Variants in SLC25A37 observed in about 807,000 individuals in gnomAD.
SLC25A37 encodes solute carrier family 25 member 37.
In SLC25A37, 17 loss-of-function variants were observed where a neutral mutation model predicts 31.0. The ratio of observed to expected loss-of-function variants is 0.55; its 90% CI spans 0.38 to 0.82. The LOEUF is 0.82. Ranked by LOEUF, SLC25A37 falls within the 40% of genes least tolerant of loss-of-function variation. The pLI, the probability that SLC25A37 is intolerant of heterozygous loss-of-function variation, is 0.00. For missense variants in SLC25A37, 404 were observed against 465.8 expected, an observed-to-expected ratio of 0.87 and a Z score of 1.22; for synonymous variants, 222 against 193.0, an observed-to-expected ratio of 1.15 and a Z score of -1.24.
rs527567850 is a variant in SLC25A37, at chr8:23,572,300, T to C, written c.*445T>C. Reference sequence around the variant, plus strand: ...CAGTACAAAATAGATGGATAATGTTTATCCTTTATTTTTCTATGTAGAAGT... The same window carrying C: ...CAGTACAAAATAGATGGATAATGTTCATCCTTTATTTTTCTATGTAGAAGT... On this transcript the variant is annotated 3_prime_UTR_variant, in exon 4 of 4. Transcript: ENST00000519973. 1 of 153,116 alleles carries C rather than the reference T, an allele frequency of 6.5e-6. No individual in the cohort carries two copies. Among genetic ancestry groups the C allele is most frequent in the South Asian group, 1.9e-4 (1 of 5,134 alleles). The allele number at this position is 153,116 out of a possible 1,614,324, so 9.5% of individuals were successfully genotyped here. A position where few individuals can be genotyped will look rare whatever the true frequency, so the allele number is the denominator to read the frequency against.
At position 23,574,081 on chromosome 8, in the gene SLC25A37, G is replaced by A. The variant is rs189711064; in HGVS notation, c.*2226G>A. 3.0e-6 allele frequency: 1 copy of A among 336,624 alleles called. No homozygotes were observed. Among genetic ancestry groups the A allele is most frequent in the Non-Finnish European group, 6.0e-6 (1 of 167,306 alleles). 20.9% of individuals were successfully genotyped at this position (336,624 alleles called of 1,614,324 possible). A position where few individuals can be genotyped will look rare whatever the true frequency, so the allele number is the denominator to read the frequency against. ...TTAAGATATGCCACGCTGAAGCAAGGTATTTCCTACTGGATTTTGCTTTCA... is the reference window on the plus strand; with the variant it reads ...TTAAGATATGCCACGCTGAAGCAAGATATTTCCTACTGGATTTTGCTTTCA... On this transcript the variant is annotated 3_prime_UTR_variant, in exon 4 of 4. Coordinates refer to ENST00000519973, the MANE Select transcript of SLC25A37 (RefSeq NM_016612.4).
chr8:23,530,183 T>C (rs1801636048), intron 1 of SLC25A37, among the ~76,000 whole-genome samples: 1 of 152,150 alleles, frequency 6.6e-6, no homozygotes, highest in Admixed American at 6.5e-5. Flanking sequence ...GCAACAGCCC[T>C]GGGGGTTAAC....
chr8:23,566,786 A>ACG (rs1299655125), intron 2 of SLC25A37: 27 of 988,642 alleles, frequency 2.7e-5, no homozygotes, highest in Non-Finnish European at 3.1e-5. Flanking sequence ...GGTCTCTACA[A>ACG]CGCCAAGATC....
In SLC25A37 at chr8:23,572,203, T is replaced by TGAAAAAA. The variant is rs1802873388; in HGVS notation, c.*348_*349insGAAAAAA. On this transcript the variant is annotated 3_prime_UTR_variant, in exon 4 of 4. Transcript: ENST00000519973. ...GAAAATTTGCAGTGACTGAAAACAG[T>TGAAAAAA]AAAAAAAAAAAAAAAAAAAAAAAAA... 1 of 85,756 alleles carries TGAAAAAA rather than the reference T, an allele frequency of 1.2e-5. No homozygotes were observed. Among genetic ancestry groups the TGAAAAAA allele is most frequent in the African/African-American group, 6.5e-5 (1 of 15,276 alleles). 5.3% of individuals were successfully genotyped at this position (85,756 alleles called of 1,614,324 possible).
intron 1 of SLC25A37, among the ~76,000 whole-genome samples, chr8:23,545,855 G>A (rs1364910742): frequency 1.3e-5 from 2 of 152,092 alleles, no homozygotes; most frequent in Non-Finnish European, 2.9e-5. Flanking sequence ...TAAAAAAATA[G>A]GCCGGGCGCG....
intron 1 of SLC25A37, among the ~76,000 whole-genome samples, chr8:23,544,123 G>A (rs1801973709): frequency 6.6e-6 from 1 of 152,164 alleles, no homozygotes; most frequent in Admixed American, 6.5e-5. Flanking sequence ...GCCTCCCAAA[G>A]TGCTGGGATT....
intron 1 of SLC25A37, among the ~76,000 whole-genome samples, chr8:23,554,088 G>A (rs1040904287): frequency 2.6e-5 from 4 of 152,148 alleles, no homozygotes; most frequent in African/African-American, 7.2e-5. Flanking sequence ...CATGACTCTG[G>A]CCGACCGCCT....
chr8:23,539,231 G>T (rs962198567), intron 1 of SLC25A37, among the ~76,000 whole-genome samples: 1 of 152,180 alleles, frequency 6.6e-6, no homozygotes, highest in South Asian at 2.1e-4. Context: ...TCTAGGAAAC[G>T]TCTGGCCGTG....
At chr8:23,544,762 A>T (rs7829094) in intron 1 of SLC25A37, among the ~76,000 whole-genome samples, 1 of 151,944 alleles carries the variant, frequency 6.6e-6, no homozygotes, top group South Asian at 2.1e-4. Flanking sequence ...CCTGCATGCC[A>T]CTGACACTCT....
In SLC25A37 at chr8:23,574,044, CT is replaced by C. The variant is rs149075218; in HGVS notation, c.*2193del. 2,505 of 355,786 alleles carry C rather than the reference CT, an allele frequency of 7.0e-3. 49 individuals are homozygous for C. The highest frequency in any genetic ancestry group is 0.05 in the African/African-American group (2,329 of 46,962). The allele number at this position is 355,786 out of a possible 1,614,324, so 22.0% of individuals were successfully genotyped here. A position where few individuals can be genotyped will look rare whatever the true frequency, so the allele number is the denominator to read the frequency against. Reference sequence around the variant, plus strand: ...TTGTAAAAAAATTATCCTACCACCCCTTTTGGTCCACTTAAGATATGCCACG... The same window carrying C: ...TTGTAAAAAAATTATCCTACCACCCCTTTGGTCCACTTAAGATATGCCACG... On this transcript the variant is annotated 3_prime_UTR_variant, in exon 4 of 4. Transcript: ENST00000519973.
In SLC25A37 at chr8:23,572,599, T is replaced by C. The variant is rs1802893374; in HGVS notation, c.*744T>C. On this transcript the variant is annotated 3_prime_UTR_variant, in exon 4 of 4. Coordinates refer to ENST00000519973, the MANE Select transcript of SLC25A37 (RefSeq NM_016612.4). ...AGGTACGTTAAAAAAATCAAAATAA[T>C]GATATGTCACTTGCAGCTACCTTTT... The C allele has an allele frequency of 6.7e-6, 1 of 150,130 alleles. No homozygotes were observed. The highest frequency in any genetic ancestry group is 1.5e-5 in the Non-Finnish European group (1 of 67,730). 9.3% of individuals were successfully genotyped at this position (150,130 alleles called of 1,614,324 possible).
At chr8:23,536,965 G>A (rs534622611) in intron 1 of SLC25A37, among the ~76,000 whole-genome samples, 1 of 152,328 alleles carries the variant, frequency 6.6e-6, no homozygotes, top group South Asian at 2.1e-4. Flanking sequence ...AGAGGCCGAG[G>A]TGGGAGGATC....
intron 1 of SLC25A37, among the ~76,000 whole-genome samples, chr8:23,532,229 A>G (rs915494757): frequency 2.6e-5 from 4 of 152,154 alleles, no homozygotes; most frequent in African/African-American, 9.7e-5. Flanking sequence ...GTGAGCACTC[A>G]TTCATCCATA....
At chr8:23,546,932 C>T (rs946060326) in intron 1 of SLC25A37, among the ~76,000 whole-genome samples, 16 of 151,860 alleles carry the variant, frequency 1.1e-4, no homozygotes, top group African/African-American at 3.9e-4. Context: ...TGGCAGGTTC[C>T]GTTTATCCTT....
intron 1 of SLC25A37, among the ~76,000 whole-genome samples, chr8:23,532,624 T>C (rs900523705): frequency 6.6e-6 from 1 of 152,190 alleles, no homozygotes; most frequent in Non-Finnish European, 1.5e-5. Flanking sequence ...CGCTGACCCT[T>C]TCACAACCCT....
chr8:23,571,650 C>T lies in SLC25A37; in HGVS notation c.812C>T (p.Ser271Leu), dbSNP rs890831231. The T allele has an allele frequency of 2.5e-6, 4 of 1,613,946 alleles. No homozygotes were observed. Among genetic ancestry groups the T allele is most frequent in the Non-Finnish European group, 3.4e-6 (4 of 1,179,886 alleles). The change falls in exon 4 of 4, where the codon TCG becomes TTG. Residue 271 changes from serine (S) to leucine (L), a missense_variant. Transcript: ENST00000519973. ...AACACTCAGGAGAACGTGGCCCTCT[C>T]GCTGGCCAACATCAGCGGCCGGCTG... ...LLNTQENVAL[S>L]LANISGRLSG...
At chr8:23,571,268 GT>G in intron 3 of SLC25A37, 66 bp from the exon 4 acceptor site, 1 of 1,459,136 alleles carries the variant, frequency 6.9e-7, no homozygotes. Flanking sequence ...CCGACCTGGG[GT>G]GGGGCCACAT....
At position 23,550,106 on chromosome 8, in the gene SLC25A37, G is replaced by A. The variant is rs1363920362; in HGVS notation, c.211-16002G>A. On this transcript the variant is annotated intron_variant, in intron 1 of 3. Transcript: ENST00000519973. ...TGAGGCAGGAGAATCGCTTGAACCC[G>A]GGAGGCGGAGGTTGTGGTGAGCCGA... Among the ~76,000 whole-genome samples the A allele has an allele frequency of 2.3e-5, 3 of 132,946 alleles. 1 individual carries two copies. Among genetic ancestry groups the A allele is most frequent in the African/African-American group, 7.0e-5 (2 of 28,420 alleles). The allele number at this position is 132,946 out of a possible 152,430, so 87.2% of individuals were successfully genotyped here.
Position 23,571,996 on chromosome 8 carries a change from GGGGA to G in SLC25A37, c.*142_*145del. 2 of 958,478 alleles carry G rather than the reference GGGGA, an allele frequency of 2.1e-6. No homozygotes were observed. Among genetic ancestry groups the G allele is most frequent in the Non-Finnish European group, 1.5e-6 (1 of 651,494 alleles). 59.4% of individuals were successfully genotyped at this position (958,478 alleles called of 1,614,324 possible). On this transcript the variant is annotated 3_prime_UTR_variant, in exon 4 of 4. Transcript: ENST00000519973. ...GCTCCCCAATGCCTTAGAGAGAGGA[GGGGA>G]CGGCACGGCCGCTCACCGGAAGGCT... is the stretch of plus-strand genomic sequence containing the variant.
Sources: gnomAD v4.1 joint callset for allele counts (sites outside exome capture counted in the v4.1 genomes callset) on GRCh38, gnomAD v4.1.1 for gene constraint, MANE v1.5 for transcripts, NCBI Gene and HGNC (gene_info 2026-07-23, HGNC 2026-07-21) for gene names.